SLC7A13: variants seen among roughly 807,000 people sequenced by gnomAD.
The protein encoded by SLC7A13 is X-amino acid transporter 2.
A neutral mutation model predicts 32.0 loss-of-function variants in SLC7A13; 31 were observed. The observed-to-expected ratio is 0.97, with a 90% CI of 0.73 to 1.31. SLC7A13 has a LOEUF of 1.31. Among genes scored for constraint, SLC7A13 ranks in the 50% most tolerant of loss-of-function variants. The pLI is 0.00. For missense variants in SLC7A13, 633 were observed against 546.9 expected, an observed-to-expected ratio of 1.16 and a Z score of -1.57; for synonymous variants, 232 against 206.9, an observed-to-expected ratio of 1.12 and a Z score of -1.04.
intron 2 of SLC7A13, 98 bp downstream of exon 2, chr8:86,222,874 G>C: frequency 1.7e-6 from 2 of 1,197,512 alleles, no homozygotes; most frequent in Non-Finnish European, 2.2e-6. Flanking sequence ...TCCATATATA[G>C]AATAATGAAC....
chr8:86,223,349 T>C (rs531571179), intron 1 of SLC7A13, among the ~76,000 whole-genome samples: 1 of 152,228 alleles, frequency 6.6e-6, no homozygotes, highest in South Asian at 2.1e-4. Context: ...CAAGTCTCTG[T>C]GGTTCATCAT....
intron 1 of SLC7A13, among the ~76,000 whole-genome samples, chr8:86,227,222 A>G (rs1196958889): frequency 2.0e-5 from 3 of 152,222 alleles, no homozygotes; most frequent in East Asian, 3.8e-4. Context: ...TTCACAAATG[A>G]TAGATAAATT....
At chr8:86,227,424 T>C (rs1820406229) in intron 1 of SLC7A13, among the ~76,000 whole-genome samples, 1 of 152,028 alleles carries the variant, frequency 6.6e-6, no homozygotes, top group East Asian at 1.9e-4. Context: ...AAGACCAACT[T>C]TGAAAATGAA....
rs776397612 is a variant in SLC7A13 at position 86,230,105 on chromosome 8, A to G, written c.173T>C (p.Ile58Thr). 23 of 1,614,196 alleles carry G rather than the reference A, an allele frequency of 1.4e-5. No homozygotes were observed. Among genetic ancestry groups the G allele is most frequent in the Middle Eastern group, 1.6e-4 (1 of 6,062 alleles). The stretch of plus-strand genomic sequence containing the variant: ...GCAAAGAGTTGATGTCATGGCCAGT[A>G]TGGCACAGCCAGCCCAAACGCACAG... ...VSLCVWAGCAILAMTSTLCSA... is the reference protein window; with the variant it reads ...VSLCVWAGCATLAMTSTLCSA... Residue 58 changes from isoleucine (I) to threonine (T), a missense_variant, in exon 1 of 4, where the codon ATA becomes ACA. Ile to Thr is a moderately conservative substitution (Grantham distance 89). Coordinates refer to ENST00000297524, the MANE Select transcript of SLC7A13 (RefSeq NM_138817.3).
At chr8:86,220,659 T>C (rs1043951516) in intron 2 of SLC7A13, among the ~76,000 whole-genome samples, 10 of 152,142 alleles carry the variant, frequency 6.6e-5, no homozygotes, top group Non-Finnish European at 1.5e-4. Context: ...TTTTTACATA[T>C]ACTTGTTTGA....
chr8:86,228,353 A>G (rs1820423876), intron 1 of SLC7A13, among the ~76,000 whole-genome samples: 1 of 152,002 alleles, frequency 6.6e-6, no homozygotes, highest in East Asian at 1.9e-4. Flanking sequence ...GTATCTTCGC[A>G]TTGTTGGCTA....
intron 2 of SLC7A13, among the ~76,000 whole-genome samples, chr8:86,218,830 AT>A (rs1304047830): frequency 6.6e-6 from 1 of 151,972 alleles, no homozygotes; most frequent in Non-Finnish European, 1.5e-5. Flanking sequence ...AGAGAAACAA[AT>A]TATCAGTTTT....
At chr8:86,221,378 C>T (rs1192339571) in intron 2 of SLC7A13, among the ~76,000 whole-genome samples, 5 of 152,116 alleles carry the variant, frequency 3.3e-5, no homozygotes, top group Non-Finnish European at 5.9e-5. Context: ...CCTATACATA[C>T]ATTTTTCATG....
At position 86,214,328 on chromosome 8, in the gene SLC7A13, G is replaced by T. The variant is rs1820140219; in HGVS notation, c.*85C>A. 4 of 750,030 alleles carry T rather than the reference G, an allele frequency of 5.3e-6. No homozygotes were observed. Among genetic ancestry groups the T allele is most frequent in the Non-Finnish European group, 8.5e-6 (4 of 469,942 alleles). The allele number at this position is 750,030 out of a possible 1,614,324, so 46.5% of individuals were successfully genotyped here. A position where few individuals can be genotyped will look rare whatever the true frequency, so the allele number is the denominator to read the frequency against. On this transcript the variant is annotated 3_prime_UTR_variant, in exon 4 of 4. Transcript: ENST00000297524. ...TTACCATAGGAATTTCACCATGAATGTTCTATCATATGTTTAACCTTGATT... is the reference window on the plus strand; with the variant it reads ...TTACCATAGGAATTTCACCATGAATTTTCTATCATATGTTTAACCTTGATT...
chr8:86,223,578 A>G (rs1027375545), intron 1 of SLC7A13, among the ~76,000 whole-genome samples: 37 of 152,020 alleles, frequency 2.4e-4, no homozygotes, highest in Non-Finnish European at 3.8e-4. Context: ...ATGAGTGCAG[A>G]TGTCCTATTC....
At chr8:86,217,400 A>G (rs1820202853) in intron 3 of SLC7A13, 70 bp downstream of exon 3, 1 of 1,316,122 alleles carries the variant, frequency 7.6e-7, no homozygotes, top group Non-Finnish European at 1.0e-6. Flanking sequence ...TGCTCTGATT[A>G]TAATCTTAAA....
At chr8:86,215,915 A>G (rs1039067373) in intron 3 of SLC7A13, among the ~76,000 whole-genome samples, 1 of 151,818 alleles carries the variant, frequency 6.6e-6, no homozygotes, top group Non-Finnish European at 1.5e-5. Context: ...ATAAGCAATA[A>G]TAGCCATCAA....
chr8:86,221,209 C>T (rs1820290095), intron 2 of SLC7A13, among the ~76,000 whole-genome samples: 3 of 151,752 alleles, frequency 2.0e-5, no homozygotes, highest in Admixed American at 1.3e-4. Context: ...TTAACATTGC[C>T]CCTTTTCTTC....
chr8:86,214,967 G>T (rs900891488), intron 3 of SLC7A13, among the ~76,000 whole-genome samples: 31 of 152,048 alleles, frequency 2.0e-4, no homozygotes, highest in Admixed American at 2.0e-3. Flanking sequence ...AGTTTCTAAG[G>T]CCCAATGGAA....
Position 86,214,444 on chromosome 8 carries a change from T to C in SLC7A13, c.1382A>G (p.Asn461Ser), listed in dbSNP as rs964563594. The change falls in exon 4 of 4, where the codon AAT becomes AGT. Residue 461 changes from asparagine (N) to serine (S), a missense_variant. Physicochemically the swap from Asn to Ser is conservative, Grantham distance 46 (BLOSUM62 1). Coordinates refer to ENST00000297524, the MANE Select transcript of SLC7A13 (RefSeq NM_138817.3). The stretch of plus-strand genomic sequence containing the variant: ...CTCAGACACATCAGGGAGGCAAATA[T>C]TAAATAGTAATTGTAAATAGCAAGT... ...KMTCYLQLLF[N>S]ICLPDVSEE 6.2e-7 allele frequency: 1 copy of C among 1,609,982 alleles called. No homozygotes were observed. The highest frequency in any genetic ancestry group is 8.5e-7 in the Non-Finnish European group (1 of 1,178,282).
At position 86,217,701 on chromosome 8, in the gene SLC7A13, A is replaced by C; in HGVS notation, c.948T>G (p.Leu316=). 1.2e-6 allele frequency: 2 copies of C among 1,613,550 alleles called. No individual in the cohort carries two copies. Among genetic ancestry groups the C allele is most frequent in the Non-Finnish European group, 1.7e-6 (2 of 1,179,672 alleles). The part of the protein sequence containing the change: ...SIFKSSRPIY[L]ASQEGQLPLL... ...AAGGCAGCTGGCCCTCTTGGCTTGC[A>C]AGATATATTGGTCTCGATGATTTAA... Residue 316 remains leucine (L), a synonymous_variant, in exon 3 of 4, where the codon CTT becomes CTG. Coordinates refer to ENST00000297524, the MANE Select transcript of SLC7A13 (RefSeq NM_138817.3).
At position 86,214,385 on chromosome 8, in the gene SLC7A13, A is replaced by G. The variant is rs748651441; in HGVS notation, c.*28T>C. 3.4e-6 allele frequency: 5 copies of G among 1,461,800 alleles called. No homozygotes were observed. Among genetic ancestry groups the G allele is most frequent in the African/African-American group, 1.4e-5 (1 of 70,168 alleles). The allele number at this position is 1,461,800 out of a possible 1,614,324, so 90.6% of individuals were successfully genotyped here. A position where few individuals can be genotyped will look rare whatever the true frequency, so the allele number is the denominator to read the frequency against. On this transcript the variant is annotated 3_prime_UTR_variant, in exon 4 of 4. Coordinates refer to ENST00000297524, the MANE Select transcript of SLC7A13 (RefSeq NM_138817.3). ...CTGATATATGTTTTTTAGAAGGCCA[A>G]TTTTTTAAGAGTTTGCACTTCCGAC...
At chr8:86,217,328 C>T in intron 3 of SLC7A13, 142 bp downstream of exon 3, 1 of 766,122 alleles carries the variant, frequency 1.3e-6, no homozygotes, top group Non-Finnish European at 1.8e-6. Flanking sequence ...AAATTAAAAC[C>T]AAGACTAGAT....
intron 3 of SLC7A13, chr8:86,215,826 TACAAG>T (rs1820172041): frequency 4.1e-6 from 1 of 242,084 alleles, no homozygotes; most frequent in African/African-American, 2.4e-5. Flanking sequence ...CCTGGGGGCA[TACAAG>T]ACAAATTTCA....
Sources: allele counts gnomAD v4.1 joint callset (sites outside exome capture counted in the v4.1 genomes callset), GRCh38; gene constraint gnomAD v4.1.1; transcripts MANE v1.5; gene names NCBI Gene and HGNC (gene_info 2026-07-23, HGNC 2026-07-21).